The following MACROD2 variants were observed in gnomAD, a reference collection of about 807,000 sequenced individuals.
The protein encoded by MACROD2 is ADP-ribose glycohydrolase MACROD2.
A neutral mutation model predicts 70.4 loss-of-function variants in MACROD2; 36 were observed. That is an observed-to-expected ratio of 0.51 (90% CI 0.39 to 0.68). The LOEUF (loss-of-function observed/expected upper bound fraction) is 0.68, where lower values mean the gene tolerates loss of function less well. MACROD2 is among the 30% of genes least tolerant of loss of function. The pLI is 0.00. For missense variants in MACROD2, 496 were observed against 538.4 expected, an observed-to-expected ratio of 0.92 and a Z score of 0.78; for synonymous variants, 172 against 178.8, an observed-to-expected ratio of 0.96 and a Z score of 0.30.
intron 5 of MACROD2, among the ~76,000 whole-genome samples, chr20:14,813,437 G>T (rs1029790667): frequency 6.7e-6 from 1 of 150,238 alleles, no homozygotes; most frequent in African/African-American, 2.5e-5. Context: ...CCACTTATAA[G>T]TGAGAACATA....
At chr20:15,428,292 C>T (rs910674719) in intron 6 of MACROD2, among the ~76,000 whole-genome samples, 4 of 152,164 alleles carry the variant, frequency 2.6e-5, no homozygotes, top group Non-Finnish European at 5.9e-5. Flanking sequence ...TTAAAGTGGG[C>T]CATCTTGTTG....
At chr20:14,269,417 T>C (rs1013374329) in intron 3 of MACROD2, among the ~76,000 whole-genome samples, 2 of 152,226 alleles carry the variant, frequency 1.3e-5, no homozygotes, top group Non-Finnish European at 2.9e-5. Context: ...ACAAGGATAC[T>C]ACCAGGAATG....
chr20:15,221,231 C>T (rs76663524), intron 5 of MACROD2, among the ~76,000 whole-genome samples: 17 of 152,306 alleles, frequency 1.1e-4, no homozygotes, highest in African/African-American at 4.1e-4. Context: ...TGAACCAGAA[C>T]AAAGATCTTA....
At chr20:14,707,781 A>G (rs1369325665) in intron 5 of MACROD2, among the ~76,000 whole-genome samples, 1 of 152,226 alleles carries the variant, frequency 6.6e-6, no homozygotes, top group Non-Finnish European at 1.5e-5. Context: ...GTGAAAAATT[A>G]ACTTCCTATC....
At chr20:14,521,929 G>A (rs934798864) in intron 4 of MACROD2, among the ~76,000 whole-genome samples, 1 of 152,126 alleles carries the variant, frequency 6.6e-6, no homozygotes, top group Non-Finnish European at 1.5e-5. Context: ...TTTGGATCAT[G>A]TATTTTAGAC....
chr20:15,763,202 G>A (rs1240693989), intron 8 of MACROD2, among the ~76,000 whole-genome samples: 1 of 152,162 alleles, frequency 6.6e-6, no homozygotes, highest in Non-Finnish European at 1.5e-5. Flanking sequence ...GTAAGAGGGA[G>A]ACATCTTGAC....
chr20:15,042,327 G>A (rs2075362489), intron 5 of MACROD2, among the ~76,000 whole-genome samples: 1 of 152,156 alleles, frequency 6.6e-6, no homozygotes, highest in Non-Finnish European at 1.5e-5. Context: ...GCAAAAGGGA[G>A]GTGGAATCTG....
intron 8 of MACROD2, among the ~76,000 whole-genome samples, chr20:15,705,036 G>A (rs1479402065): frequency 6.6e-6 from 1 of 151,816 alleles, no homozygotes; most frequent in African/African-American, 2.4e-5. Context: ...TAATTCTCAC[G>A]GTCATTTATT....
intron 8 of MACROD2, among the ~76,000 whole-genome samples, chr20:15,597,565 C>T (rs200779): frequency 3.3e-5 from 5 of 152,170 alleles, no homozygotes; most frequent in Admixed American, 6.5e-5. Flanking sequence ...TGAAATAGAG[C>T]AGACACGTCA....
At chr20:14,673,311 T>C (rs890659433) in intron 4 of MACROD2, among the ~76,000 whole-genome samples, 1 of 152,174 alleles carries the variant, frequency 6.6e-6, no homozygotes, top group Non-Finnish European at 1.5e-5. Flanking sequence ...CAGGGCCCAA[T>C]TGCTCATCAC....
intron 5 of MACROD2, among the ~76,000 whole-genome samples, chr20:14,760,444 C>T (rs1276750747): frequency 2.0e-5 from 3 of 152,034 alleles, no homozygotes; most frequent in Non-Finnish European, 4.4e-5. Flanking sequence ...AATTTTAGTT[C>T]TTATTATTTT....
chr20:14,442,293 C>A (rs763441481), intron 3 of MACROD2, among the ~76,000 whole-genome samples: 1 of 151,678 alleles, frequency 6.6e-6, no homozygotes, highest in South Asian at 2.1e-4. Flanking sequence ...AAACAAAAAA[C>A]CCAAAATGAA....
chr20:14,353,109 T>G (rs2122699566), intron 3 of MACROD2, among the ~76,000 whole-genome samples: 1 of 152,254 alleles, frequency 6.6e-6, no homozygotes, highest in South Asian at 2.1e-4. Flanking sequence ...TGTTGATTTG[T>G]CACTTGTGTA....
intron 4 of MACROD2, among the ~76,000 whole-genome samples, chr20:14,550,853 G>A (rs1477236521): frequency 3.4e-5 from 5 of 148,126 alleles, no homozygotes; most frequent in African/African-American, 1.2e-4. Flanking sequence ...GGTGTTGACT[G>A]GAGATTTGCA....
intron 3 of MACROD2, among the ~76,000 whole-genome samples, chr20:14,212,752 G>A (rs1348066139): frequency 6.6e-6 from 1 of 151,512 alleles, no homozygotes; most frequent in African/African-American, 2.4e-5. Context: ...ATTAAACAGA[G>A]TAAATATAAA....
chr20:14,738,614 C>A (rs561765781), intron 5 of MACROD2, among the ~76,000 whole-genome samples: 6 of 151,914 alleles, frequency 3.9e-5, no homozygotes, highest in African/African-American at 1.5e-4. Context: ...AGCAAATGCA[C>A]GCATACATGA....
At chr20:15,575,408 T>A (rs1321488163) in intron 8 of MACROD2, among the ~76,000 whole-genome samples, 2 of 152,120 alleles carry the variant, frequency 1.3e-5, no homozygotes, top group Non-Finnish European at 2.9e-5. Flanking sequence ...ATACCAAGAA[T>A]GAATGAATAC....
chr20:15,735,602 G>A (rs1470018777), intron 8 of MACROD2, among the ~76,000 whole-genome samples: 1 of 152,054 alleles, frequency 6.6e-6, no homozygotes, highest in Non-Finnish European at 1.5e-5. Flanking sequence ...TTTTAACCCG[G>A]GACAATGACA....
At chr20:15,821,096 G>A in intron 8 of MACROD2, among the ~76,000 whole-genome samples, 1 of 151,978 alleles carries the variant, frequency 6.6e-6, no homozygotes. Context: ...TATTCTCTTA[G>A]TAGTGTCTTA....
Sources: gnomAD v4.1 joint callset for allele counts (sites outside exome capture counted in the v4.1 genomes callset) on GRCh38, gnomAD v4.1.1 for gene constraint, MANE v1.5 for transcripts, NCBI Gene and HGNC (gene_info 2026-07-23, HGNC 2026-07-21) for gene names.